Variants in FBXL17 observed in about 807,000 individuals in gnomAD.
FBXL17 encodes the protein F-box/LRR-repeat protein 17.
Under a neutral mutation model 66.2 loss-of-function variants are expected in FBXL17, and 22 were observed. The ratio of observed to expected loss-of-function variants is 0.33; its 90% confidence interval spans 0.24 to 0.47. FBXL17 has a LOEUF of 0.47. Ranked by LOEUF, FBXL17 falls within the 20% of genes least tolerant of loss-of-function variation. FBXL17 has a pLI of 1.00. For synonymous variants in FBXL17, 474 were observed against 400.5 expected (o/e 1.18, Z -2.19); for missense variants, 878 against 948.2 (o/e 0.93, Z 0.97).
At chr5:108,119,555 A>G (rs530895829) in intron 6 of FBXL17, among the ~76,000 whole-genome samples, 10 of 152,280 alleles carry the variant, frequency 6.6e-5, no homozygotes, top group South Asian at 4.1e-4. Flanking sequence ...CTAAAACTCA[A>G]TGAAGAAAGT....
intron 6 of FBXL17, among the ~76,000 whole-genome samples, chr5:108,057,041 A>AGCATCCAAAAGCATTTT (rs201642208): frequency 6.6e-6 from 1 of 152,246 alleles, no homozygotes; most frequent in South Asian, 2.1e-4. Context: ...AGCATCCAAA[A>AGCATCCAAAAGCATTTT]GCATCCAAAA....
intron 6 of FBXL17, among the ~76,000 whole-genome samples, chr5:108,021,817 C>A (rs1454199203): frequency 2.0e-5 from 3 of 151,728 alleles, no homozygotes; most frequent in African/African-American, 7.2e-5. Flanking sequence ...GGCAAATGCA[C>A]CCTTCAATGC....
chr5:108,136,915 T>G (rs902146215), intron 6 of FBXL17, among the ~76,000 whole-genome samples: 1 of 152,136 alleles, frequency 6.6e-6, no homozygotes, highest in Non-Finnish European at 1.5e-5. Flanking sequence ...AACTTATTAA[T>G]TACTTCAAAA....
intron 4 of FBXL17, among the ~76,000 whole-genome samples, chr5:108,320,857 C>A (rs1759586259): frequency 6.6e-6 from 1 of 151,650 alleles, no homozygotes; most frequent in South Asian, 2.1e-4. Context: ...CGCTTTGTAA[C>A]AATTTATAGA....
intron 6 of FBXL17, among the ~76,000 whole-genome samples, chr5:108,052,126 AAAAAAAAAGAAAAAAG>A (rs1394260382): frequency 8.9e-6 from 1 of 112,636 alleles, no homozygotes; most frequent in Non-Finnish European, 1.8e-5. Flanking sequence ...AAAAAAAAAA[AAAAAAAAAGAAAAAAG>A]AAAAAAGACA....
chr5:108,332,941 CAAAAAAAAAAAA>C (rs34218940), intron 4 of FBXL17, among the ~76,000 whole-genome samples: 144 of 34,770 alleles, frequency 4.1e-3, no homozygotes, highest in Middle Eastern at 0.059. Context: ...AAAGCAAAAG[CAAAAAAAAAAAA>C]AAAAAAAAAA....
chr5:108,359,991 G>T (rs1423006827), intron 3 of FBXL17, among the ~76,000 whole-genome samples: 1 of 151,960 alleles, frequency 6.6e-6, no homozygotes, highest in African/African-American at 2.4e-5. Flanking sequence ...TACATATGTG[G>T]TTATAATTGC....
intron 6 of FBXL17, among the ~76,000 whole-genome samples, chr5:108,088,867 TA>T (rs1749078978): frequency 6.6e-6 from 1 of 152,076 alleles, no homozygotes; most frequent in Non-Finnish European, 1.5e-5. Flanking sequence ...CAGATAAGCA[TA>T]GTTCACTTAT....
intron 6 of FBXL17, among the ~76,000 whole-genome samples, chr5:108,155,376 G>A (rs1265407132): frequency 1.3e-5 from 2 of 152,026 alleles, no homozygotes; most frequent in Admixed American, 6.6e-5. Flanking sequence ...TTAGCCGGGC[G>A]TGGTGGCACG....
At chr5:108,009,194 C>CAT (rs373679985) in intron 7 of FBXL17, among the ~76,000 whole-genome samples, 583 of 53,952 alleles carry the variant, frequency 0.011, 5 homozygotes, top group Middle Eastern at 0.014. Context: ...ATTTGAAAAG[C>CAT]ATATATATAT....
At chr5:108,301,395 T>C (rs1758581895) in intron 4 of FBXL17, among the ~76,000 whole-genome samples, 1 of 151,826 alleles carries the variant, frequency 6.6e-6, no homozygotes, top group African/African-American at 2.4e-5. Flanking sequence ...GTTAGGTCAG[T>C]AATTTTACTA....
intron 4 of FBXL17, among the ~76,000 whole-genome samples, chr5:108,289,678 T>G (rs1178353366): frequency 6.6e-6 from 1 of 152,006 alleles, no homozygotes; most frequent in East Asian, 1.9e-4. Flanking sequence ...GGCTTTGAAG[T>G]TAGGCAGTCT....
intron 7 of FBXL17, among the ~76,000 whole-genome samples, chr5:107,902,887 C>T (rs1283943682): frequency 6.6e-6 from 1 of 151,566 alleles, no homozygotes; most frequent in Non-Finnish European, 1.5e-5. Flanking sequence ...TAATTGATCT[C>T]CAGACAATTG....
At chr5:107,894,960 A>G (rs1749325065) in intron 7 of FBXL17, among the ~76,000 whole-genome samples, 1 of 152,086 alleles carries the variant, frequency 6.6e-6, no homozygotes, top group African/African-American at 2.4e-5. Flanking sequence ...TCTCTTAGGA[A>G]TCAGTTCTAG....
intron 7 of FBXL17, among the ~76,000 whole-genome samples, chr5:107,937,352 C>A (rs774887489): frequency 6.6e-6 from 1 of 152,078 alleles, no homozygotes; most frequent in African/African-American, 2.4e-5. Flanking sequence ...GACTCAGAAG[C>A]CAGTGTTAGA....
At chr5:108,193,966 G>A (rs1015089511) in intron 5 of FBXL17, among the ~76,000 whole-genome samples, 55 of 151,312 alleles carry the variant, frequency 3.6e-4, no homozygotes, top group African/African-American at 1.2e-3. Context: ...TTTACGGCCC[G>A]CTTCTCCTCA....
chr5:107,987,047 A>C (rs1004331858), intron 7 of FBXL17, among the ~76,000 whole-genome samples: 8 of 152,014 alleles, frequency 5.3e-5, no homozygotes, highest in African/African-American at 1.7e-4. Context: ...TGAAACCTTC[A>C]TACATTTTTG....
At chr5:108,183,845 C>T (rs1164581721) in intron 6 of FBXL17, among the ~76,000 whole-genome samples, 1 of 152,104 alleles carries the variant, frequency 6.6e-6, no homozygotes, top group Non-Finnish European at 1.5e-5. Flanking sequence ...AGTTACTTCA[C>T]TTAGAATAAT....
intron 6 of FBXL17, among the ~76,000 whole-genome samples, chr5:108,133,932 C>A (rs746390432): frequency 5.3e-5 from 8 of 152,044 alleles, no homozygotes; most frequent in Admixed American, 1.3e-4. Context: ...ATTAATGCCT[C>A]AGTACACTTG....
Sources: gnomAD v4.1 joint callset for allele counts (sites outside exome capture counted in the v4.1 genomes callset) on GRCh38, gnomAD v4.1.1 for gene constraint, MANE v1.5 for transcripts, NCBI Gene and HGNC (gene_info 2026-07-23, HGNC 2026-07-21) for gene names.